Variants in SMIM17 observed in about 807,000 individuals in gnomAD.
The protein encoded by SMIM17 is small integral membrane protein 17.
In SMIM17, 10 loss-of-function variants were observed where a neutral mutation model predicts 12.2. The observed-to-expected ratio is 0.82, with a 90% CI of 0.50 to 1.39. The LOEUF is 1.39. Ranked by LOEUF, SMIM17 falls within the 40% of genes most tolerant of loss-of-function variation. SMIM17 has a pLI of 0.00. For missense variants in SMIM17, 136 were observed against 118.2 expected (o/e 1.15, Z -0.70); for synonymous variants, 50 against 44.1 (o/e 1.13, Z -0.53).
At position 56,656,592 on chromosome 19, in the gene SMIM17, A is replaced by T. The variant is rs932291750; in HGVS notation, c.*1379A>T. Among the ~76,000 whole-genome samples, 1 of 151,892 alleles carries T rather than the reference A, an allele frequency of 6.6e-6. No homozygotes were observed. Among genetic ancestry groups the T allele is most frequent in the Non-Finnish European group, 1.5e-5 (1 of 67,964 alleles). On this transcript the variant is annotated 3_prime_UTR_variant, in exon 4 of 4. Transcript: ENST00000598409. ...GATTTATATTCTCTTTATATTTTCT[A>T]TAATAGCATACTTATTAACGCAAAT...
chr19:56,653,907 G>A (rs1307433308), intron 3 of SMIM17, among the ~76,000 whole-genome samples: 1 of 152,022 alleles, frequency 6.6e-6, no homozygotes, highest in Non-Finnish European at 1.5e-5. Context: ...TTTTTTCAGT[G>A]TTCACCATTG....
Position 56,656,325 on chromosome 19 carries a change from T to A in SMIM17, c.*1112T>A, listed in dbSNP as rs1342498527. Among the ~76,000 whole-genome samples the A allele has an allele frequency of 6.6e-6, 1 of 152,158 alleles. No homozygotes were observed. The highest frequency in any genetic ancestry group is 2.4e-5 in the African/African-American group (1 of 41,452). On this transcript the variant is annotated 3_prime_UTR_variant, in exon 4 of 4. Coordinates refer to ENST00000598409, the MANE Select transcript of SMIM17 (RefSeq NM_001193628.2). ...TAGCTTAATTATGCATAATGTTTTA[T>A]AATTAAAAATTTCTCTTTATTTTGT...
rs1188096527 is a variant in SMIM17, at chr19:56,655,368, G to C, written c.*155G>C. On this transcript the variant is annotated 3_prime_UTR_variant, in exon 4 of 4. Coordinates refer to ENST00000598409, the MANE Select transcript of SMIM17 (RefSeq NM_001193628.2). ...TTGAGATGATTTTTAAAAAATTTTTGGTGTGAGTTTTCACATACTTTATTT... is the reference window on the plus strand; with the variant it reads ...TTGAGATGATTTTTAAAAAATTTTTCGTGTGAGTTTTCACATACTTTATTT... The C allele has an allele frequency of 4.0e-6, 2 of 495,676 alleles. No individual in the cohort carries two copies. The highest frequency in any genetic ancestry group is 7.1e-6 in the Non-Finnish European group (2 of 280,022). 30.7% of individuals were successfully genotyped at this position (495,676 alleles called of 1,614,324 possible).
chr19:56,644,842 A>C (rs997108675), intron 1 of SMIM17, among the ~76,000 whole-genome samples: 1 of 152,158 alleles, frequency 6.6e-6, no homozygotes. Flanking sequence ...GCACGATCCT[A>C]GCTCACTGAA....
At chr19:56,644,981 G>A (rs747594349) in intron 1 of SMIM17, among the ~76,000 whole-genome samples, 98 of 152,200 alleles carry the variant, frequency 6.4e-4, no homozygotes, top group Non-Finnish European at 1.0e-3. Context: ...AAAGTGCTAG[G>A]ATTACAGGTG....
At chr19:56,649,096 C>T (rs1325970087) in intron 3 of SMIM17, among the ~76,000 whole-genome samples, 1 of 152,188 alleles carries the variant, frequency 6.6e-6, no homozygotes, top group Non-Finnish European at 1.5e-5. Context: ...TAACTGCATG[C>T]CAGGAGGTTT....
chr19:56,653,064 T>C (rs1036125663), intron 3 of SMIM17, among the ~76,000 whole-genome samples: 1 of 152,246 alleles, frequency 6.6e-6, no homozygotes, highest in Non-Finnish European at 1.5e-5. Context: ...TTATTTCCAA[T>C]AAAATGCACT....
At chr19:56,648,375 T>TTTCA (rs111785584) in intron 3 of SMIM17, among the ~76,000 whole-genome samples, 16,824 of 146,282 alleles carry the variant, frequency 0.12, 1,160 homozygotes, top group South Asian at 0.16. Context: ...CATATACCCA[T>TTTCA]TCCATCCATC....
intron 1 of SMIM17, among the ~76,000 whole-genome samples, 180 bp downstream of exon 1, chr19:56,643,390 C>T (rs375210780): frequency 6.6e-6 from 1 of 152,166 alleles, no homozygotes; most frequent in South Asian, 2.1e-4. Flanking sequence ...CGTCTCCAAG[C>T]CCGTCCGGTG....
At chr19:56,648,842 G>T (rs925928330) in intron 3 of SMIM17, among the ~76,000 whole-genome samples, 5 of 152,140 alleles carry the variant, frequency 3.3e-5, no homozygotes, top group African/African-American at 1.2e-4. Flanking sequence ...GAAAACCAGT[G>T]GTTCTTTCAT....
chr19:56,647,420 T>TGAGAGAGAGAGAGAGAGAGAGAGAGA (rs72370552), intron 2 of SMIM17, 138 bp from the exon 3 acceptor site: 8 of 548,570 alleles, frequency 1.5e-5, no homozygotes, highest in African/African-American at 1.3e-4. Flanking sequence ...AGAAGGAGGG[T>TGAGAGAGAGAGAGAGAGAGAGAGAGA]GAGAGAGAGA....
rs57264842 is a variant in SMIM17, at chr19:56,652,101, C to CA, written c.247-2975dup. On this transcript the variant is annotated intron_variant, in intron 3 of 3. Coordinates refer to ENST00000598409, the MANE Select transcript of SMIM17 (RefSeq NM_001193628.2). ...CCTGGGAGACAGAGTGAGACTCTGC[C>CA]AAAAAAAAAAAAAAAAAAAAAAAAA... Among the ~76,000 whole-genome samples the CA allele has an allele frequency of 3.9e-3, 261 of 66,844 alleles. 9 individuals carry two copies. The highest frequency in any genetic ancestry group is 0.013 in the Middle Eastern group (1 of 80). The allele number at this position is 66,844 out of a possible 152,430, so 43.9% of individuals were successfully genotyped here.
chr19:56,653,878 T>G (rs10401705), intron 3 of SMIM17, among the ~76,000 whole-genome samples: 1,578 of 152,344 alleles, frequency 0.01, 30 homozygotes, highest in African/African-American at 0.036. Context: ...GTCCTTCCAT[T>G]TTTCTTTTTT....
At chr19:56,649,228 C>T (rs112953187) in intron 3 of SMIM17, among the ~76,000 whole-genome samples, 2,735 of 152,250 alleles carry the variant, frequency 0.018, 73 homozygotes, top group African/African-American at 0.062. Flanking sequence ...TAACAAGGTA[C>T]GTTTCAGGGA....
intron 1 of SMIM17, among the ~76,000 whole-genome samples, chr19:56,645,308 T>A (rs970086350): frequency 5.3e-5 from 8 of 152,118 alleles, no homozygotes; most frequent in African/African-American, 1.9e-4. Flanking sequence ...TATATGGGAG[T>A]ATGTGAGTGT....
At chr19:56,649,740 G>A (rs2045095165) in intron 3 of SMIM17, among the ~76,000 whole-genome samples, 1 of 152,132 alleles carries the variant, frequency 6.6e-6, no homozygotes, top group Non-Finnish European at 1.5e-5. Context: ...TGGTCAGTGT[G>A]GCTGGAGGGT....
At chr19:56,652,155 C>T (rs2045114563) in intron 3 of SMIM17, among the ~76,000 whole-genome samples, 2 of 149,802 alleles carry the variant, frequency 1.3e-5, no homozygotes, top group South Asian at 4.3e-4. Flanking sequence ...TTGTATATAT[C>T]CTGCCAAACA....
At chr19:56,650,115 CAG>C (rs988247407) in intron 3 of SMIM17, among the ~76,000 whole-genome samples, 4 of 152,258 alleles carry the variant, frequency 2.6e-5, no homozygotes, top group Admixed American at 1.3e-4. Flanking sequence ...AGAAATGAAA[CAG>C]AGAAGAGTTG....
intron 2 of SMIM17, among the ~76,000 whole-genome samples, chr19:56,646,796 A>G (rs1255328434): frequency 6.6e-6 from 1 of 152,146 alleles, no homozygotes; most frequent in African/African-American, 2.4e-5. Context: ...GATGACTTTT[A>G]GGGTTTTGGC....
Sources: allele counts gnomAD v4.1 joint callset (sites outside exome capture counted in the v4.1 genomes callset), GRCh38; gene constraint gnomAD v4.1.1; transcripts MANE v1.5; gene names NCBI Gene and HGNC (gene_info 2026-07-23, HGNC 2026-07-21).